Variants in PTDSS1 observed in about 807,000 individuals in gnomAD.
PTDSS1 encodes PSS-1.
In PTDSS1, 45 loss-of-function variants were observed where a neutral mutation model predicts 70.5. That is an observed-to-expected ratio of 0.64 (90% CI 0.50 to 0.82). The LOEUF (loss-of-function observed/expected upper bound fraction) is 0.82, where lower values mean the gene tolerates loss of function less well. Ranked by LOEUF, PTDSS1 falls within the 40% of genes least tolerant of loss-of-function variation. The pLI is 0.00. For missense variants in PTDSS1, 417 were observed against 586.1 expected, an observed-to-expected ratio of 0.71 and a Z score of 2.98; for synonymous variants, 188 against 203.8, an observed-to-expected ratio of 0.92 and a Z score of 0.66.
Position 96,284,166 on chromosome 8 carries a change from T to A in PTDSS1, c.316+13T>A, listed in dbSNP as rs1426804827. Reference sequence around the variant, plus strand: ...CGAATGGTTTTTGGTGAGTTTATATTAGCAATGTAAAAGGATGTTCTATTT... The same window carrying A: ...CGAATGGTTTTTGGTGAGTTTATATAAGCAATGTAAAAGGATGTTCTATTT... On this transcript the variant is annotated intron_variant, in intron 3 of 12. Coordinates refer to ENST00000517309, the MANE Select transcript of PTDSS1 (RefSeq NM_014754.3). 31 of 1,594,768 alleles carry A rather than the reference T, an allele frequency of 1.9e-5. No homozygotes were observed. Among genetic ancestry groups the A allele is most frequent in the Non-Finnish European group, 2.4e-5 (28 of 1,163,854 alleles).
chr8:96,292,301 A>G (rs1481737547), intron 4 of PTDSS1, among the ~76,000 whole-genome samples: 1 of 151,428 alleles, frequency 6.6e-6, no homozygotes, highest in African/African-American at 2.4e-5. Flanking sequence ...AAAAAAAAAA[A>G]AAAAAAAAAG....
At chr8:96,324,101 C>T in intron 10 of PTDSS1, among the ~76,000 whole-genome samples, 1 of 152,190 alleles carries the variant, frequency 6.6e-6, no homozygotes, top group East Asian at 1.9e-4. Context: ...GACAAGGATG[C>T]CCTTTACTCC....
chr8:96,267,064 C>G (rs1295135287), intron 1 of PTDSS1, among the ~76,000 whole-genome samples: 1 of 152,180 alleles, frequency 6.6e-6, no homozygotes, highest in Non-Finnish European at 1.5e-5. Flanking sequence ...TCAAGTTCAT[C>G]TGTTCTGAAT....
At chr8:96,330,626 T>C in intron 11 of PTDSS1, 1 of 385,048 alleles carries the variant, frequency 2.6e-6, no homozygotes, top group Non-Finnish European at 4.8e-6. Context: ...GGCCTCTTCC[T>C]GTGTTCCGGC....
At chr8:96,333,397 A>G in intron 12 of PTDSS1, 60 bp from the exon 13 acceptor site, 2 of 1,489,880 alleles carry the variant, frequency 1.3e-6, no homozygotes, top group Non-Finnish European at 1.9e-6. Context: ...CGGTCTGGAA[A>G]GGGACAGTCA....
At chr8:96,283,539 G>C (rs1810774009) in intron 2 of PTDSS1, 1 of 152,164 alleles carries the variant, frequency 6.6e-6, no homozygotes, top group Non-Finnish European at 1.5e-5. Context: ...GAGGTGTTTT[G>C]TCAGCACAGG....
chr8:96,294,948 C>A (rs555268359), intron 4 of PTDSS1, 150 bp from the exon 5 acceptor site: 14 of 683,772 alleles, frequency 2.0e-5, no homozygotes, highest in Non-Finnish European at 2.7e-5. Context: ...TCCCTCAAGG[C>A]CCTTAAGTTA....
rs1051916858 is a variant in PTDSS1, at chr8:96,336,186, T to C, written c.*2620T>C. 6.6e-6 allele frequency: 1 copy of C among 152,054 alleles called. No homozygotes were observed. The highest frequency in any genetic ancestry group is 2.1e-4 in the South Asian group (1 of 4,822). 9.4% of individuals were successfully genotyped at this position (152,054 alleles called of 1,614,324 possible). A position where few individuals can be genotyped will look rare whatever the true frequency, so the allele number is the denominator to read the frequency against. ...ACAAGACATCCTATCAATGCCAGTC[T>C]TATTTTCGCTAGGACTCTGCTTCCA... On this transcript the variant is annotated 3_prime_UTR_variant, in exon 13 of 13. Coordinates refer to ENST00000517309, the MANE Select transcript of PTDSS1 (RefSeq NM_014754.3).
At chr8:96,307,876 A>G (rs57178020) in intron 8 of PTDSS1, among the ~76,000 whole-genome samples, 7,642 of 152,304 alleles carry the variant, frequency 0.05, 502 homozygotes, top group African/African-American at 0.15. Context: ...AAAACTAGAC[A>G]CTAAAAATCC....
At chr8:96,320,157 A>G in intron 9 of PTDSS1, 89 bp from the exon 10 acceptor site, 1 of 1,171,558 alleles carries the variant, frequency 8.5e-7, no homozygotes, top group Non-Finnish European at 1.3e-6. Flanking sequence ...GATGAGTTGA[A>G]CTTTTTCATT....
rs1586215891 is a variant in PTDSS1, at chr8:96,335,159, T to G, written c.*1593T>G. ...CTCAGCTCCGAGCTCTCAAATGTCC[T>G]CCAGCCAGCATCTGCCTGCTTCCCA... On this transcript the variant is annotated 3_prime_UTR_variant, in exon 13 of 13. Transcript: ENST00000517309. 1 of 152,176 alleles carries G rather than the reference T, an allele frequency of 6.6e-6. No individual in the cohort carries two copies. The highest frequency in any genetic ancestry group is 1.5e-5 in the Non-Finnish European group (1 of 68,030). The allele number at this position is 152,176 out of a possible 1,614,324, so 9.4% of individuals were successfully genotyped here.
chr8:96,270,027 G>A (rs1810542902), intron 1 of PTDSS1, among the ~76,000 whole-genome samples: 1 of 152,122 alleles, frequency 6.6e-6, no homozygotes, highest in Admixed American at 6.5e-5. Context: ...ACCATCCTCT[G>A]TTTACTGAGG....
At chr8:96,286,148 C>G (rs1285256669) in intron 3 of PTDSS1, among the ~76,000 whole-genome samples, 1 of 152,108 alleles carries the variant, frequency 6.6e-6, no homozygotes, top group African/African-American at 2.4e-5. Flanking sequence ...TAGTGCTGAG[C>G]CAAGTTTGGA....
At chr8:96,285,845 G>T (rs1007178751) in intron 3 of PTDSS1, among the ~76,000 whole-genome samples, 1 of 152,124 alleles carries the variant, frequency 6.6e-6, no homozygotes, top group Admixed American at 6.5e-5. Context: ...TATTCAAGAG[G>T]ATCATAATTA....
At chr8:96,305,259 C>T (rs1811106418) in intron 7 of PTDSS1, among the ~76,000 whole-genome samples, 1 of 152,212 alleles carries the variant, frequency 6.6e-6, no homozygotes, top group Admixed American at 6.5e-5. Context: ...AGTGTGAGCA[C>T]TGCGCTGGGA....
chr8:96,324,486 A>T (rs1404931784), intron 10 of PTDSS1, among the ~76,000 whole-genome samples: 1 of 152,240 alleles, frequency 6.6e-6, no homozygotes, highest in Non-Finnish European at 1.5e-5. Flanking sequence ...AAATAAGTTT[A>T]TTCTGCTCAC....
intron 9 of PTDSS1, among the ~76,000 whole-genome samples, chr8:96,310,813 T>G (rs1811200161): frequency 6.6e-6 from 1 of 152,076 alleles, no homozygotes; most frequent in Non-Finnish European, 1.5e-5. Context: ...GTCGCCAGGC[T>G]GGAGTACAGT....
intron 4 of PTDSS1, among the ~76,000 whole-genome samples, chr8:96,292,902 A>T (rs1467677143): frequency 6.6e-6 from 1 of 152,206 alleles, no homozygotes; most frequent in Non-Finnish European, 1.5e-5. Flanking sequence ...TCTGTAAGCA[A>T]ATAATTTCCA....
At chr8:96,322,894 C>T (rs1811391934) in intron 10 of PTDSS1, among the ~76,000 whole-genome samples, 1 of 152,162 alleles carries the variant, frequency 6.6e-6, no homozygotes, top group African/African-American at 2.4e-5. Flanking sequence ...CCAAGGTCCA[C>T]TTGAGCCACA....
Sources: allele counts gnomAD v4.1 joint callset (sites outside exome capture counted in the v4.1 genomes callset), GRCh38; gene constraint gnomAD v4.1.1; transcripts MANE v1.5; gene names NCBI Gene and HGNC (gene_info 2026-07-23, HGNC 2026-07-21).